ANO10: variants seen among roughly 807,000 people sequenced by gnomAD.
ANO10 encodes anoctamin-10.
ANO10 carries 77 observed loss-of-function variants against 74.7 expected under a neutral mutation model. The observed-to-expected ratio is 1.03, with a 90% confidence interval of 0.86 to 1.25. ANO10 has a LOEUF of 1.25. Among genes scored for constraint, ANO10 ranks in the 50% most tolerant of loss-of-function variants. ANO10 has a pLI of 0.00. For missense variants in ANO10, 721 were observed against 778.1 expected (o/e 0.93, Z 0.87); for synonymous variants, 279 against 284.9 (o/e 0.98, Z 0.21).
intron 11 of ANO10, among the ~76,000 whole-genome samples, chr3:43,439,892 T>C (rs189742531): frequency 1.1e-3 from 161 of 152,038 alleles, no homozygotes; most frequent in Middle Eastern, 6.8e-3. Flanking sequence ...AAAAAAGAAA[T>C]AGTTATTTGT....
chr3:43,446,478 A>G (rs1456970768), intron 11 of ANO10, among the ~76,000 whole-genome samples: 4 of 152,324 alleles, frequency 2.6e-5, no homozygotes, highest in East Asian at 1.9e-4. Context: ...TTATAACTGC[A>G]TATTTTTTTC....
At chr3:43,446,797 C>A (rs2093253005) in intron 11 of ANO10, among the ~76,000 whole-genome samples, 1 of 152,084 alleles carries the variant, frequency 6.6e-6, no homozygotes, top group Non-Finnish European at 1.5e-5. Context: ...AGCGATTTAT[C>A]CTAGCTATTC....
chr3:43,517,163 A>G (rs528422036), intron 11 of ANO10, among the ~76,000 whole-genome samples: 1 of 152,234 alleles, frequency 6.6e-6, no homozygotes, highest in Non-Finnish European at 1.5e-5. Flanking sequence ...TCTCTTGTAA[A>G]CATTCAATGT....
chr3:43,690,606 C>G (rs2084347249), intron 1 of ANO10: 1 of 218,786 alleles, frequency 4.6e-6, no homozygotes, highest in Non-Finnish European at 9.0e-6. Context: ...CTTCCAGGAC[C>G]GGACGCACCT....
intron 11 of ANO10, among the ~76,000 whole-genome samples, chr3:43,447,309 G>A (rs143993800): frequency 5.1e-4 from 78 of 152,266 alleles, no homozygotes; most frequent in East Asian, 3.5e-3. Context: ...TATTAAGCAC[G>A]CATGTACAAT....
intron 11 of ANO10, among the ~76,000 whole-genome samples, chr3:43,537,801 G>C (rs2078781673): frequency 6.6e-6 from 1 of 152,246 alleles, no homozygotes; most frequent in African/African-American, 2.4e-5. Context: ...CATTTTATTA[G>C]TTAGGAGGAA....
chr3:43,408,486 A>G (rs2092614389), intron 12 of ANO10, among the ~76,000 whole-genome samples: 1 of 152,166 alleles, frequency 6.6e-6, no homozygotes, highest in Non-Finnish European at 1.5e-5. Context: ...TCACTTCCCG[A>G]CCTGCTCCTT....
At chr3:43,625,965 G>GCT (rs2083487593), upstream of ANO10, among the ~76,000 whole-genome samples, 1 of 150,152 alleles carries the variant, frequency 6.7e-6, no homozygotes, top group South Asian at 2.1e-4. Flanking sequence ...AACGGGTCTA[G>GCT]CTCTGTTCCC....
intron 11 of ANO10, among the ~76,000 whole-genome samples, chr3:43,440,484 G>T (rs998350401): frequency 1.3e-5 from 2 of 151,996 alleles, no homozygotes; most frequent in Non-Finnish European, 2.9e-5. Flanking sequence ...AAACGAAAGG[G>T]CCAAATTATA....
At chr3:43,385,685 T>C (rs1009008313) in intron 12 of ANO10, among the ~76,000 whole-genome samples, 6 of 145,504 alleles carry the variant, frequency 4.1e-5, no homozygotes, top group Non-Finnish European at 8.9e-5. Flanking sequence ...TTGTATGTCC[T>C]CACTCATAAC....
intron 12 of ANO10, among the ~76,000 whole-genome samples, chr3:43,397,368 C>T (rs1347706879): frequency 1.3e-5 from 2 of 152,106 alleles, no homozygotes; most frequent in Non-Finnish European, 2.9e-5. Flanking sequence ...AGTATTTCAG[C>T]TTTGGGTCAG....
At chr3:43,613,939 C>T (rs1373327192) in intron 1 of ANO10, among the ~76,000 whole-genome samples, 1 of 152,058 alleles carries the variant, frequency 6.6e-6, no homozygotes, top group African/African-American at 2.4e-5. Flanking sequence ...GTAGGTGTAG[C>T]CTCAGGAGAG....
At chr3:43,450,770 C>A (rs1361402602) in intron 11 of ANO10, among the ~76,000 whole-genome samples, 1 of 152,156 alleles carries the variant, frequency 6.6e-6, no homozygotes, top group Non-Finnish European at 1.5e-5. Flanking sequence ...TTGATGAGAA[C>A]ATTTATGTCA....
chr3:43,633,487 T>C lies in ANO10; in HGVS notation c.-11-27624A>G, dbSNP rs372200547. 1.7e-4 allele frequency among the ~76,000 whole-genome samples: 26 copies of C among 152,334 alleles called. No homozygotes were observed. In the South Asian group the frequency reaches 5.4e-3, roughly 32 times the overall value. On this transcript the variant is annotated intron_variant, in intron 1 of 3. Coordinates refer to the ANO10 transcript ENST00000413397. ...AGAGGCTAAATGGCTAATGGGTCTT[T>C]TCTGTGTCTTCTGTGTATGTAATAC...
chr3:43,555,927 C>G (rs1349315137), intron 9 of ANO10, among the ~76,000 whole-genome samples: 3 of 152,118 alleles, frequency 2.0e-5, no homozygotes, highest in Non-Finnish European at 2.9e-5. Context: ...ATATCTGAAT[C>G]AAGTATGAAC....
At chr3:43,654,731 C>A (rs2149570190) in intron 1 of ANO10, among the ~76,000 whole-genome samples, 1 of 152,290 alleles carries the variant, frequency 6.6e-6, no homozygotes, top group East Asian at 1.9e-4. Flanking sequence ...CTCACTGCAT[C>A]CCCACTGCTA....
chr3:43,668,877 T>C (rs560993883), intron 1 of ANO10, among the ~76,000 whole-genome samples: 3 of 152,306 alleles, frequency 2.0e-5, no homozygotes, highest in South Asian at 2.1e-4. Context: ...TTATATTCCA[T>C]ACTTTTTTTC....
chr3:43,439,113 CAAAG>C (rs1278234325), intron 11 of ANO10, among the ~76,000 whole-genome samples: 3 of 151,714 alleles, frequency 2.0e-5, no homozygotes, highest in Non-Finnish European at 4.4e-5. Context: ...AAATCAAAGA[CAAAG>C]AGAGTATCTT....
intron 11 of ANO10, among the ~76,000 whole-genome samples, chr3:43,513,015 G>A (rs952214524): frequency 4.6e-5 from 7 of 152,174 alleles, no homozygotes; most frequent in African/African-American, 7.2e-5. Context: ...CCAGCTGTTT[G>A]CAGGAAAACA....
Sources: allele counts gnomAD v4.1 joint callset (sites outside exome capture counted in the v4.1 genomes callset), GRCh38; gene constraint gnomAD v4.1.1; transcripts MANE v1.5; gene names NCBI Gene and HGNC (gene_info 2026-07-23, HGNC 2026-07-21).